The following NEK1 variants were observed in gnomAD, a reference collection of about 807,000 sequenced individuals.
The protein encoded by NEK1 is serine/threonine-protein kinase Nek1.
Under a neutral mutation model 182.1 loss-of-function variants are expected in NEK1, and 137 were observed. That is an observed-to-expected ratio of 0.75 (90% CI 0.65 to 0.87). NEK1 has a LOEUF of 0.87. NEK1 is among the 40% of genes least tolerant of loss of function. The pLI is 0.00. For synonymous variants in NEK1, 513 were observed against 492.2 expected (o/e 1.04, Z -0.56); for missense variants, 1,391 against 1,494.4 (o/e 0.93, Z 1.14).
chr4:169,453,557 G>A (rs1382567796), intron 27 of NEK1, among the ~76,000 whole-genome samples: 1 of 152,218 alleles, frequency 6.6e-6, no homozygotes, highest in Non-Finnish European at 1.5e-5. Context: ...ACTGGAATGA[G>A]GGCAAGGAAC....
chr4:169,553,791 A>G (rs1761761712), intron 18 of NEK1, among the ~76,000 whole-genome samples: 1 of 152,238 alleles, frequency 6.6e-6, no homozygotes, highest in Admixed American at 6.5e-5. Flanking sequence ...AAAATGAGAT[A>G]CCACTACACA....
At chr4:169,420,456 G>C (rs549487900) in intron 31 of NEK1, among the ~76,000 whole-genome samples, 1 of 152,280 alleles carries the variant, frequency 6.6e-6, no homozygotes, top group African/African-American at 2.4e-5. Flanking sequence ...AACTTTTATA[G>C]GACTAGCAGT....
chr4:169,495,264 G>A (rs977821433), intron 23 of NEK1, among the ~76,000 whole-genome samples: 2 of 93,888 alleles, frequency 2.1e-5, no homozygotes, highest in Non-Finnish European at 4.6e-5. Context: ...TTTTTTTTGA[G>A]ACGGAGTTTC....
At position 169,508,800 on chromosome 4, in the gene NEK1, C is replaced by A; in HGVS notation, c.1718G>T (p.Arg573Ile). ...AMYGGRPSSS[R>I]GGKPRNKEEE... The stretch of plus-strand genomic sequence containing the variant: ...CTCTTTGTTTCTTGGCTTCCCTCCT[C>A]TTGAAGAGCTGGGCCTGCCTCCATA... The change falls in exon 20 of 36, where the codon AGA becomes ATA. Residue 573 changes from arginine (R) to isoleucine (I), a missense_variant. Physicochemically the swap from Arg to Ile is moderately conservative, Grantham distance 97. Around this residue, in one of 5 missense-constraint regions of NEK1, gnomAD observed 1,216 missense variants for 1,277.6 expected, o/e 0.95. Coordinates refer to ENST00000507142, the MANE Select transcript of NEK1 (RefSeq NM_001199397.3). 6.3e-7 allele frequency: 1 copy of A among 1,590,152 alleles called. No homozygotes were observed. The highest frequency in any genetic ancestry group is 8.5e-7 in the Non-Finnish European group (1 of 1,175,944).
intron 31 of NEK1, among the ~76,000 whole-genome samples, chr4:169,408,305 A>G (rs1732990560): frequency 6.6e-6 from 1 of 152,196 alleles, no homozygotes; most frequent in Non-Finnish European, 1.5e-5. Flanking sequence ...ACAGGTTTAT[A>G]CCAACCCACT....
intron 2 of NEK1, among the ~76,000 whole-genome samples, chr4:169,607,984 T>C (rs1413973582): frequency 6.6e-6 from 1 of 151,936 alleles, no homozygotes; most frequent in Non-Finnish European, 1.5e-5. Flanking sequence ...GAAAGAAATG[T>C]ATAGGAAGAC....
chr4:169,554,957 G>A (rs1423095453), intron 18 of NEK1: 5 of 152,002 alleles, frequency 3.3e-5, no homozygotes, highest in South Asian at 2.1e-4. Context: ...ACCCCAAATC[G>A]CTCTAAAAAT....
At chr4:169,562,238 G>A in intron 12 of NEK1, 42 bp from the exon 13 acceptor site, 1 of 1,388,906 alleles carries the variant, frequency 7.2e-7, no homozygotes, top group Admixed American at 2.4e-5. Flanking sequence ...AAGATTTTGA[G>A]GCACTTATTT....
chr4:169,406,865 AGTT>A, intron 31 of NEK1, 118 bp from the exon 32 acceptor site: 1 of 625,638 alleles, frequency 1.6e-6, no homozygotes, highest in Non-Finnish European at 2.5e-6. Context: ...ACATATAAAA[AGTT>A]TTTTTATATA....
At chr4:169,531,499 A>G (rs1025183375) in intron 19 of NEK1, among the ~76,000 whole-genome samples, 2 of 151,150 alleles carry the variant, frequency 1.3e-5, no homozygotes, top group Non-Finnish European at 2.9e-5. Context: ...GTATACATAT[A>G]TTATATATAT....
chr4:169,463,821 T>C (rs756219889), intron 26 of NEK1, among the ~76,000 whole-genome samples: 1 of 152,136 alleles, frequency 6.6e-6, no homozygotes, highest in Non-Finnish European at 1.5e-5. Flanking sequence ...TTTTAAGAGA[T>C]AGAGTCTCAC....
intron 26 of NEK1, among the ~76,000 whole-genome samples, chr4:169,473,542 T>C (rs1746404197): frequency 6.6e-6 from 1 of 152,072 alleles, no homozygotes; most frequent in South Asian, 2.1e-4. Flanking sequence ...ATAAAATAGA[T>C]TTAAATAAAT....
At chr4:169,485,165 G>A (rs1385640438) in intron 23 of NEK1, among the ~76,000 whole-genome samples, 1 of 152,164 alleles carries the variant, frequency 6.6e-6, no homozygotes, top group Admixed American at 6.5e-5. Context: ...AAATGCTTAT[G>A]TTCTATAATC....
intron 18 of NEK1, among the ~76,000 whole-genome samples, chr4:169,553,102 C>T (rs376185532): frequency 2.8e-4 from 42 of 152,118 alleles, no homozygotes; most frequent in Non-Finnish European, 4.7e-4. Context: ...ACAAAAGAAC[C>T]GGAATAGCCA....
chr4:169,522,263 T>C (rs933174665), intron 19 of NEK1, among the ~76,000 whole-genome samples: 10 of 152,236 alleles, frequency 6.6e-5, no homozygotes, highest in Non-Finnish European at 1.5e-4. Flanking sequence ...TTTCCCTTTT[T>C]ATCATTTTAA....
intron 24 of NEK1, chr4:169,478,499 A>G (rs1328743816): frequency 1.3e-5 from 2 of 152,124 alleles, no homozygotes; most frequent in Admixed American, 1.3e-4. Flanking sequence ...TATCAGAAAG[A>G]AAAAGTGACT....
intron 19 of NEK1, among the ~76,000 whole-genome samples, chr4:169,511,945 C>T (rs929098459): frequency 1.3e-5 from 2 of 152,084 alleles, no homozygotes; most frequent in African/African-American, 4.8e-5. Flanking sequence ...TAGTTCATTC[C>T]TTTTCATTGC....
At chr4:169,581,670 C>G (rs1299324376) in intron 10 of NEK1, among the ~76,000 whole-genome samples, 3 of 152,060 alleles carry the variant, frequency 2.0e-5, no homozygotes, top group African/African-American at 7.2e-5. Context: ...ACATTACTCG[C>G]CTATTTCATC....
intron 23 of NEK1, among the ~76,000 whole-genome samples, chr4:169,496,194 G>T (rs925299516): frequency 2.6e-5 from 4 of 151,970 alleles, no homozygotes; most frequent in Admixed American, 6.6e-5. Context: ...TCATGATTTG[G>T]CTCTCTGTTT....
Sources: gnomAD v4.1 joint callset for allele counts (sites outside exome capture counted in the v4.1 genomes callset) on GRCh38, gnomAD v4.1.1 for gene constraint, gnomAD v4.1.1 regional missense constraint, MANE v1.5 for transcripts, NCBI Gene and HGNC (gene_info 2026-07-23, HGNC 2026-07-21) for gene names.